Variants in COMMD6 observed in about 807,000 individuals in gnomAD.
The protein encoded by COMMD6 is COMM domain-containing protein 6.
Under a neutral mutation model 13.4 loss-of-function variants are expected in COMMD6, and 11 were observed. The ratio of observed to expected loss-of-function variants is 0.82; its 90% confidence interval spans 0.52 to 1.36. The LOEUF (loss-of-function observed/expected upper bound fraction) is 1.36. Among genes scored for constraint, COMMD6 ranks in the 40% most tolerant of loss-of-function variants. The pLI is 0.00. For synonymous variants in COMMD6, 43 were observed against 36.5 expected (o/e 1.18, Z -0.64); for missense variants, 124 against 102.4 (o/e 1.21, Z -0.91).
At position 75,529,247 on chromosome 13, in the gene COMMD6, C is replaced by G. The variant is rs553103616; in HGVS notation, c.207+867G>C. On this transcript the variant is annotated intron_variant, in intron 3 of 3. Transcript: ENST00000682242. The stretch of plus-strand genomic sequence containing the variant: ...CATTTAAAAGAAAACCTGGCCGGGC[C>G]CGGTGGCTCACGCCTGTAATCCTGG... 7.9e-5 allele frequency among the ~76,000 whole-genome samples: 12 copies of G among 152,088 alleles called. No homozygotes were observed. The South Asian group carries it at 1.0e-3, about 13-fold the overall frequency.
chr13:75,528,346 C>CT (rs2030343721), intron 3 of COMMD6, among the ~76,000 whole-genome samples: 1 of 152,098 alleles, frequency 6.6e-6, no homozygotes, highest in African/African-American at 2.4e-5. Flanking sequence ...AACGTGTATT[C>CT]TCTTTCGAAA....
intron 2 of COMMD6, among the ~76,000 whole-genome samples, chr13:75,533,598 A>T (rs1434262861): frequency 6.6e-6 from 1 of 150,570 alleles, no homozygotes; most frequent in Non-Finnish European, 1.5e-5. Context: ...AGAGAGAGAG[A>T]GAGATATTCT....
At chr13:75,540,127 T>G (rs1193028808), upstream of COMMD6, among the ~76,000 whole-genome samples, 5 of 152,138 alleles carry the variant, frequency 3.3e-5, no homozygotes, top group East Asian at 7.7e-4. Context: ...CATGCCACCA[T>G]GCCCAGCTAT....
chr13:75,541,628 T>A (rs1226155193), upstream of COMMD6, among the ~76,000 whole-genome samples: 1 of 151,758 alleles, frequency 6.6e-6, no homozygotes, highest in Non-Finnish European at 1.5e-5. Flanking sequence ...AGGCGTAGAG[T>A]TGTGTGATTG....
chr13:75,537,755 GGA>G lies in COMMD6; in HGVS notation c.42+7_42+8del. 6.2e-7 allele frequency: 1 copy of G among 1,613,758 alleles called. No individual in the cohort carries two copies. Among genetic ancestry groups the G allele is most frequent in the Non-Finnish European group, 8.5e-7 (1 of 1,179,818 alleles). On this transcript the variant is annotated splice_region_variant and intron_variant, in intron 1 of 3. Transcript: ENST00000682242. Reference sequence around the variant, plus strand: ...TCGCTGCCCACTCTCCTTCCAGGTTGGAACTCACATCGGACTTAGCATCCAGC... The same window carrying G: ...TCGCTGCCCACTCTCCTTCCAGGTTGACTCACATCGGACTTAGCATCCAGC...
At chr13:75,527,978 A>T in intron 3 of COMMD6, 1 of 1,126,940 alleles carries the variant, frequency 8.9e-7, no homozygotes, top group Non-Finnish European at 1.2e-6. Flanking sequence ...GAAATTTGCT[A>T]AAAAACATTT....
chr13:75,532,817 G>A (rs74753346), intron 2 of COMMD6, among the ~76,000 whole-genome samples: 1 of 152,288 alleles, frequency 6.6e-6, no homozygotes, highest in African/African-American at 2.4e-5. Context: ...TGAGCTTTCA[G>A]AGGTTTTCAC....
chr13:75,531,744 A>G (rs1029163087), intron 2 of COMMD6, among the ~76,000 whole-genome samples: 1 of 152,248 alleles, frequency 6.6e-6, no homozygotes, highest in African/African-American at 2.4e-5. Flanking sequence ...GGCAATGGGA[A>G]GTGTCACATG....
intron 1 of COMMD6, among the ~76,000 whole-genome samples, chr13:75,547,188 C>T (rs2030917081): frequency 6.6e-6 from 1 of 152,084 alleles, no homozygotes; most frequent in Non-Finnish European, 1.5e-5. Context: ...ACATTGAATT[C>T]ACTGACAAAA....
rs1593960328 is a variant in COMMD6, at chr13:75,537,823, T to TG, written c.-19dup. 1.9e-6 allele frequency: 3 copies of TG among 1,588,820 alleles called. No homozygotes were observed. In the African/African-American group the frequency reaches 4.0e-5, roughly 21 times the overall value. The stretch of plus-strand genomic sequence containing the variant: ...GCCTCCATGGGCAGCGTCTGGGACT[T>TG]GCGGCCCGGACTCGAGAGAACGCCC... On this transcript the variant is annotated 5_prime_UTR_variant, in exon 1 of 4. Transcript: ENST00000682242.
Position 75,525,528 on chromosome 13 carries a change from T to A in COMMD6, c.*1061A>T, listed in dbSNP as rs1045793490. On this transcript the variant is annotated 3_prime_UTR_variant, in exon 4 of 4. Coordinates refer to ENST00000682242, the MANE Select transcript of COMMD6 (RefSeq NM_203495.4). ...CCTAATTCTAGAATCATTAATGCAC[T>A]GGCATCCAGAGGGTGGGTAATAGAA... The A allele has an allele frequency of 1.3e-5, 2 of 152,250 alleles. No individual in the cohort carries two copies. Among genetic ancestry groups the A allele is most frequent in the African/African-American group, 4.8e-5 (2 of 41,462 alleles). 9.4% of individuals were successfully genotyped at this position (152,250 alleles called of 1,614,324 possible). A position where few individuals can be genotyped will look rare whatever the true frequency, so the allele number is the denominator to read the frequency against.
chr13:75,545,650 T>G (rs1393433305), intron 1 of COMMD6, among the ~76,000 whole-genome samples: 2 of 152,090 alleles, frequency 1.3e-5, no homozygotes, highest in African/African-American at 4.8e-5. Flanking sequence ...TTTCTGTATT[T>G]TTAGTAGAGA....
chr13:75,540,725 T>C (rs1413971144), upstream of COMMD6, among the ~76,000 whole-genome samples: 1 of 152,226 alleles, frequency 6.6e-6, no homozygotes, highest in Non-Finnish European at 1.5e-5. Context: ...AATGCATGAG[T>C]ATAATTTTGT....
At chr13:75,529,795 G>A (rs2030405469) in intron 3 of COMMD6, 2 of 193,056 alleles carry the variant, frequency 1.0e-5, no homozygotes, top group Non-Finnish European at 2.1e-5. Flanking sequence ...AAGCCCAAAG[G>A]AATAAGAATA....
At chr13:75,532,210 G>T (rs2138416295) in intron 2 of COMMD6, among the ~76,000 whole-genome samples, 1 of 152,246 alleles carries the variant, frequency 6.6e-6, no homozygotes, top group East Asian at 1.9e-4. Context: ...TTTTGCTTGT[G>T]GTTACACGAG....
chr13:75,537,863 C>T, upstream of COMMD6: 1 of 1,523,518 alleles, frequency 6.6e-7, no homozygotes, highest in Non-Finnish European at 8.8e-7. Flanking sequence ...ACCAGCGCTT[C>T]CGCTTCCACG....
chr13:75,537,695 A>G lies in COMMD6; in HGVS notation c.43-20T>C. ...GGTGACCTGAAACGGAAGCAGAAAC[A>G]CAATTTAGAGAAACATCTTTCTTGC... On this transcript the variant is annotated intron_variant, in intron 1 of 3. Coordinates refer to ENST00000682242, the MANE Select transcript of COMMD6 (RefSeq NM_203495.4). 1 of 1,614,048 alleles carries G rather than the reference A, an allele frequency of 6.2e-7. No individual in the cohort carries two copies. The highest frequency in any genetic ancestry group is 8.5e-7 in the Non-Finnish European group (1 of 1,179,936).
intron 1 of COMMD6, among the ~76,000 whole-genome samples, chr13:75,546,599 T>C (rs1251227525): frequency 6.6e-6 from 1 of 152,204 alleles, no homozygotes; most frequent in African/African-American, 2.4e-5. Context: ...AATGTAACTA[T>C]ATGCTTAGTC....
At chr13:75,528,862 GAAAAA>G (rs1211524848) in intron 3 of COMMD6, among the ~76,000 whole-genome samples, 1 of 124,872 alleles carries the variant, frequency 8.0e-6, no homozygotes, top group African/African-American at 3.0e-5. Flanking sequence ...CAAAAAAAAA[GAAAAA>G]AAAAAAGAAA....
Sources: gnomAD v4.1 joint callset for allele counts (sites outside exome capture counted in the v4.1 genomes callset) on GRCh38, gnomAD v4.1.1 for gene constraint, MANE v1.5 for transcripts, NCBI Gene and HGNC (gene_info 2026-07-23, HGNC 2026-07-21) for gene names.